HMSD: variants seen among roughly 807,000 people sequenced by gnomAD.
HMSD encodes the protein serpin-like protein HMSD.
A neutral mutation model predicts 10.0 loss-of-function variants in HMSD; 13 were observed. The ratio of observed to expected loss-of-function variants is 1.31; its 90% CI spans 0.85 to 2.08. HMSD has a LOEUF of 2.08. Ranked by LOEUF, HMSD falls within the 30% of genes most tolerant of loss-of-function variation. HMSD has a pLI of 0.00. For missense variants in HMSD, 169 were observed against 166.3 expected (o/e 1.02, Z -0.09); for synonymous variants, 51 against 54.2 (o/e 0.94, Z 0.26).
downstream of HMSD, among the ~76,000 whole-genome samples, chr18:63,963,392 G>C (rs1313803880): frequency 6.6e-6 from 1 of 151,280 alleles, no homozygotes; most frequent in Admixed American, 6.6e-5. Flanking sequence ...CCAGCCTCCC[G>C]ACCAATTTTT....
At chr18:63,949,666 G>C (rs1237053814) in intron 1 of HMSD, among the ~76,000 whole-genome samples, 2 of 152,154 alleles carry the variant, frequency 1.3e-5, no homozygotes, top group Non-Finnish European at 2.9e-5. Flanking sequence ...GCGCGGAGCT[G>C]GGGGGTGAAA....
At chr18:63,963,991 C>T (rs1200177475), downstream of HMSD, among the ~76,000 whole-genome samples, 1 of 152,198 alleles carries the variant, frequency 6.6e-6, no homozygotes, top group African/African-American at 2.4e-5. Flanking sequence ...TGCATTTGGT[C>T]AAGATGCAAC....
chr18:63,954,479 A>C lies in HMSD; in HGVS notation c.144A>C (p.Ala48=). The C allele has an allele frequency of 6.2e-7, 1 of 1,613,570 alleles. No individual in the cohort carries two copies. Among genetic ancestry groups the C allele is most frequent in the Non-Finnish European group, 8.5e-7 (1 of 1,179,468 alleles). The change falls in exon 3 of 4, where the codon GCA becomes GCC. Residue 48 remains alanine (A), a synonymous_variant. Coordinates refer to ENST00000408945, the MANE Select transcript of HMSD (RefSeq NM_001123366.2). ...IHRGFQSLLV[A]INRTDTEYVL... ...GAGGTTTTCAGTCACTTCTTGTTGCAATTAACAGAACTGACACTGAATATG... is the reference window on the plus strand; with the variant it reads ...GAGGTTTTCAGTCACTTCTTGTTGCCATTAACAGAACTGACACTGAATATG...
At chr18:63,963,746 T>A (rs1424315987), downstream of HMSD, among the ~76,000 whole-genome samples, 1 of 152,224 alleles carries the variant, frequency 6.6e-6, no homozygotes, top group Non-Finnish European at 1.5e-5. Context: ...TAAATCTACC[T>A]TTGTGGACTT....
chr18:63,949,797 A>G (rs1358170900), intron 1 of HMSD, among the ~76,000 whole-genome samples: 2 of 152,168 alleles, frequency 1.3e-5, no homozygotes, highest in African/African-American at 4.8e-5. Flanking sequence ...CTCCAGGAAA[A>G]ACAACAGCAG....
downstream of HMSD, among the ~76,000 whole-genome samples, chr18:63,963,813 G>A (rs2050400072): frequency 6.6e-6 from 1 of 152,158 alleles, no homozygotes. Context: ...CCAGTGTTCA[G>A]CTTTGCCAAT....
Position 63,960,612 on chromosome 18 carries a change from T to C in HMSD, c.*257T>C. 2.7e-6 allele frequency: 1 copy of C among 376,282 alleles called. No individual in the cohort carries two copies. Among genetic ancestry groups the C allele is most frequent in the Non-Finnish European group, 4.7e-6 (1 of 214,274 alleles). The allele number at this position is 376,282 out of a possible 1,614,324, so 23.3% of individuals were successfully genotyped here. A position where few individuals can be genotyped will look rare whatever the true frequency, so the allele number is the denominator to read the frequency against. On this transcript the variant is annotated 3_prime_UTR_variant, in exon 4 of 4. Transcript: ENST00000408945. ...TCACTGGTATTGCCATACTGTATGGTTTACAGGCTTGAAATGCAACTGCTG... is the reference window on the plus strand; with the variant it reads ...TCACTGGTATTGCCATACTGTATGGCTTACAGGCTTGAAATGCAACTGCTG...
At chr18:63,950,538 T>G (rs2050324824) in intron 1 of HMSD, among the ~76,000 whole-genome samples, 1 of 151,022 alleles carries the variant, frequency 6.6e-6, no homozygotes, top group Non-Finnish European at 1.5e-5. Context: ...GTAGGAATAG[T>G]GACTATAGGC....
chr18:63,954,139 G>T (rs2050345103), intron 2 of HMSD, among the ~76,000 whole-genome samples: 2 of 152,178 alleles, frequency 1.3e-5, no homozygotes, highest in African/African-American at 4.8e-5. Context: ...GAGTCATTTT[G>T]TTAGGGTTTG....
At chr18:63,950,415 C>CAAAAAAAAAAAAAAAAAAAAAAA (rs562421091) in intron 1 of HMSD, among the ~76,000 whole-genome samples, 2 of 39,056 alleles carry the variant, frequency 5.1e-5, no homozygotes, top group African/African-American at 1.3e-4. Flanking sequence ...GACTCTCTCT[C>CAAAAAAAAAAAAAAAAAAAAAAA]AAAAAAAAAA....
intron 3 of HMSD, 133 bp from the exon 4 acceptor site, chr18:63,960,025 C>T (rs1481412758): frequency 2.1e-6 from 2 of 938,928 alleles, no homozygotes; most frequent in Non-Finnish European, 3.2e-6. Context: ...TAGGTTAATT[C>T]CTCATCTTTA....
intron 3 of HMSD, 87 bp downstream of exon 3, chr18:63,954,644 T>C: frequency 4.2e-6 from 5 of 1,195,038 alleles, no homozygotes; most frequent in Middle Eastern, 4.0e-4. Context: ...TTCCTGCAGG[T>C]GGTCCTGAAC....
chr18:63,949,801 A>T (rs890507225), intron 1 of HMSD, among the ~76,000 whole-genome samples: 1 of 152,208 alleles, frequency 6.6e-6, no homozygotes, highest in Admixed American at 6.5e-5. Flanking sequence ...AGGAAAAACA[A>T]CAGCAGCAGT....
At position 63,953,435 on chromosome 18, in the gene HMSD, A is replaced by G. The variant is rs576811747; in HGVS notation, c.-21A>G. ...TGAAAAAGCTAGGGGAAAACAACTC[A>G]AACAACTTATTTTTTTCCCCATGAG... On this transcript the variant is annotated 5_prime_UTR_variant, in exon 2 of 4. Coordinates refer to ENST00000408945, the MANE Select transcript of HMSD (RefSeq NM_001123366.2). 5 of 1,608,426 alleles carry G rather than the reference A, an allele frequency of 3.1e-6. No homozygotes were observed. The African/African-American group carries it at 6.7e-5, about 21-fold the overall frequency.
chr18:63,960,461 A>C lies in HMSD; in HGVS notation c.*106A>C. 2.1e-6 allele frequency: 3 copies of C among 1,430,420 alleles called. No individual in the cohort carries two copies. Among genetic ancestry groups the C allele is most frequent in the South Asian group, 2.7e-5 (2 of 72,748 alleles). 88.6% of individuals were successfully genotyped at this position (1,430,420 alleles called of 1,614,324 possible). ...CTCTAGCTTTAGCTTTTCCCTTATC[A>C]AGTATCTGTGATGTCTCTCTAGATG... On this transcript the variant is annotated 3_prime_UTR_variant, in exon 4 of 4. Transcript: ENST00000408945.
downstream of HMSD, among the ~76,000 whole-genome samples, chr18:63,966,028 C>G (rs2050408097): frequency 6.6e-6 from 1 of 152,194 alleles, no homozygotes; most frequent in African/African-American, 2.4e-5. Flanking sequence ...TTAATCCATT[C>G]CATGAGAGCT....
chr18:63,953,437 A>C lies in HMSD; in HGVS notation c.-19A>C. The stretch of plus-strand genomic sequence containing the variant: ...AAAAAGCTAGGGGAAAACAACTCAA[A>C]CAACTTATTTTTTTCCCCATGAGCA... On this transcript the variant is annotated 5_prime_UTR_variant, in exon 2 of 4. Transcript: ENST00000408945. The C allele has an allele frequency of 9.3e-6, 15 of 1,608,470 alleles. No homozygotes were observed. The highest frequency in any genetic ancestry group is 1.3e-5 in the Non-Finnish European group (15 of 1,175,548).
intron 3 of HMSD, chr18:63,969,315 A>C (rs2050429861): frequency 6.6e-6 from 1 of 152,242 alleles, no homozygotes; most frequent in South Asian, 2.1e-4. Flanking sequence ...TAGAATTGGA[A>C]TGTTTACCTG....
At position 63,961,304 on chromosome 18, in the gene HMSD, A is replaced by G. The variant is rs933454453; in HGVS notation, c.*949A>G. The stretch of plus-strand genomic sequence containing the variant: ...TCTGTTATAGAAATATAATATAATC[A>G]GACTTTAGCCATGTAAATCATAAAA... On this transcript the variant is annotated 3_prime_UTR_variant, in exon 4 of 4. Coordinates refer to ENST00000408945, the MANE Select transcript of HMSD (RefSeq NM_001123366.2). 6.6e-6 allele frequency: 1 copy of G among 152,208 alleles called. No homozygotes were observed. The highest frequency in any genetic ancestry group is 1.5e-5 in the Non-Finnish European group (1 of 68,036). 9.4% of individuals were successfully genotyped at this position (152,208 alleles called of 1,614,324 possible).
Sources: gnomAD v4.1 joint callset for allele counts (sites outside exome capture counted in the v4.1 genomes callset) on GRCh38, gnomAD v4.1.1 for gene constraint, MANE v1.5 for transcripts, NCBI Gene and HGNC (gene_info 2026-07-23, HGNC 2026-07-21) for gene names.